Variants in DOK6 observed in about 807,000 individuals in gnomAD.
DOK6 encodes the protein downstream of tyrosine kinase 6.
Under a neutral mutation model 44.0 loss-of-function variants are expected in DOK6, and 22 were observed. The ratio of observed to expected loss-of-function variants is 0.50; its 90% CI spans 0.36 to 0.71. The LOEUF (loss-of-function observed/expected upper bound fraction) is 0.71, where lower values mean the gene tolerates loss of function less well. Ranked by LOEUF, DOK6 falls within the 30% of genes least tolerant of loss-of-function variation. DOK6 has a pLI of 0.00. For synonymous variants in DOK6, 166 were observed against 145.5 expected, an observed-to-expected ratio of 1.14 and a Z score of -1.01; for missense variants, 340 against 416.4, an observed-to-expected ratio of 0.82 and a Z score of 1.60.
intron 3 of DOK6, among the ~76,000 whole-genome samples, chr18:69,602,467 C>T (rs1348531326): frequency 6.6e-6 from 1 of 152,092 alleles, no homozygotes; most frequent in Non-Finnish European, 1.5e-5. Context: ...CAAGAGGGAG[C>T]TAAGAAGGCC....
chr18:69,784,281 G>A (rs888540094), intron 7 of DOK6, among the ~76,000 whole-genome samples: 2 of 152,050 alleles, frequency 1.3e-5, no homozygotes, highest in Non-Finnish European at 1.5e-5. Context: ...AATGATAAAT[G>A]TATGTGGGCA....
At chr18:69,497,948 C>T (rs1354410419) in intron 1 of DOK6, among the ~76,000 whole-genome samples, 1 of 151,910 alleles carries the variant, frequency 6.6e-6, no homozygotes, top group Non-Finnish European at 1.5e-5. Context: ...TATGATTGCA[C>T]CACTGTACTC....
chr18:69,565,202 T>C (rs1435262835), intron 2 of DOK6, among the ~76,000 whole-genome samples: 3 of 152,176 alleles, frequency 2.0e-5, no homozygotes, highest in Non-Finnish European at 4.4e-5. Context: ...GGATTCATGA[T>C]CAAAACTCAA....
At chr18:69,712,797 A>G (rs901557677) in intron 5 of DOK6, among the ~76,000 whole-genome samples, 1 of 152,202 alleles carries the variant, frequency 6.6e-6, no homozygotes, top group African/African-American at 2.4e-5. Context: ...CAGTGAGCCG[A>G]GATCACGCTA....
chr18:69,818,513 A>T (rs1452307747), intron 7 of DOK6, among the ~76,000 whole-genome samples: 3 of 152,138 alleles, frequency 2.0e-5, no homozygotes, highest in Non-Finnish European at 2.9e-5. Flanking sequence ...TGTCCACCTG[A>T]AGGATTTCTC....
chr18:69,690,413 G>A (rs565000934), intron 4 of DOK6, among the ~76,000 whole-genome samples: 5 of 152,192 alleles, frequency 3.3e-5, no homozygotes, highest in South Asian at 2.1e-4. Context: ...TTGTTTATTC[G>A]TGGTTTAATT....
At chr18:69,752,102 C>G (rs1461527411) in intron 6 of DOK6, among the ~76,000 whole-genome samples, 1 of 151,796 alleles carries the variant, frequency 6.6e-6, no homozygotes, top group African/African-American at 2.4e-5. Context: ...TTAGCACAAG[C>G]ACAAAATATA....
chr18:69,564,913 C>T (rs1365165594), intron 2 of DOK6, among the ~76,000 whole-genome samples: 7 of 151,922 alleles, frequency 4.6e-5, no homozygotes, highest in South Asian at 2.1e-4. Context: ...TGTTACTTGG[C>T]GTAAACTGTG....
At chr18:69,476,594 G>T (rs1332291457) in intron 1 of DOK6, among the ~76,000 whole-genome samples, 1 of 152,112 alleles carries the variant, frequency 6.6e-6, no homozygotes, top group Non-Finnish European at 1.5e-5. Flanking sequence ...GAAAGCAGGA[G>T]GTGGCCTCTG....
intron 1 of DOK6, among the ~76,000 whole-genome samples, chr18:69,474,043 G>A (rs1196499656): frequency 1.3e-5 from 2 of 152,076 alleles, no homozygotes. Flanking sequence ...CAAAAATCAT[G>A]GAAAGAGGCT....
At chr18:69,543,479 C>T (rs934800707) in intron 1 of DOK6, among the ~76,000 whole-genome samples, 6 of 151,576 alleles carry the variant, frequency 4.0e-5, no homozygotes, top group African/African-American at 1.4e-4. Flanking sequence ...AACTACATCT[C>T]TATTTTCTCC....
chr18:69,669,288 G>A (rs552263017), intron 3 of DOK6, among the ~76,000 whole-genome samples: 5 of 152,252 alleles, frequency 3.3e-5, no homozygotes, highest in African/African-American at 1.2e-4. Flanking sequence ...GGCGTCTCTT[G>A]TTCCCTCTTC....
chr18:69,624,447 T>C (rs970312795), intron 3 of DOK6, among the ~76,000 whole-genome samples: 1 of 152,152 alleles, frequency 6.6e-6, no homozygotes, highest in African/African-American at 2.4e-5. Flanking sequence ...TAGTAATCCA[T>C]TGTATTTTTC....
chr18:69,675,775 G>A (rs1985907621), intron 3 of DOK6, among the ~76,000 whole-genome samples: 1 of 151,862 alleles, frequency 6.6e-6, no homozygotes, highest in Non-Finnish European at 1.5e-5. Context: ...ATAATATTTT[G>A]GTTGACTGTT....
intron 3 of DOK6, among the ~76,000 whole-genome samples, chr18:69,658,726 G>A (rs995416149): frequency 6.6e-6 from 1 of 152,058 alleles, no homozygotes. Flanking sequence ...CTTTTTCTCA[G>A]TATAAGCTAA....
At chr18:69,509,322 G>A (rs1439341014) in intron 1 of DOK6, among the ~76,000 whole-genome samples, 3 of 152,034 alleles carry the variant, frequency 2.0e-5, no homozygotes, top group East Asian at 1.9e-4. Flanking sequence ...ATGTTATGCC[G>A]ATAATCACAA....
chr18:69,830,595 C>A (rs763112326), intron 7 of DOK6, among the ~76,000 whole-genome samples: 1 of 152,170 alleles, frequency 6.6e-6, no homozygotes, highest in Non-Finnish European at 1.5e-5. Flanking sequence ...ATAAATGTGG[C>A]TGAAGCTACC....
intron 3 of DOK6, among the ~76,000 whole-genome samples, chr18:69,645,494 G>A (rs1985048380): frequency 6.6e-6 from 1 of 152,124 alleles, no homozygotes; most frequent in Non-Finnish European, 1.5e-5. Flanking sequence ...ATATAGCCAT[G>A]ATTTTAAGGG....
chr18:69,408,202 A>T (rs1978292520), intron 1 of DOK6, among the ~76,000 whole-genome samples: 2 of 152,220 alleles, frequency 1.3e-5, no homozygotes, highest in Admixed American at 1.3e-4. Context: ...CAAGTTCAAC[A>T]CAGTCATGTG....
Sources: allele counts gnomAD v4.1 joint callset (sites outside exome capture counted in the v4.1 genomes callset), GRCh38; gene constraint gnomAD v4.1.1; transcripts MANE v1.5; gene names NCBI Gene and HGNC (gene_info 2026-07-23, HGNC 2026-07-21).